The following OSBPL5 variants were observed in gnomAD, a reference collection of about 807,000 sequenced individuals.
OSBPL5 encodes oxysterol binding protein like 5.
In OSBPL5, 71 loss-of-function variants were observed where a neutral mutation model predicts 111.2. That is an observed-to-expected ratio of 0.64 (90% CI 0.53 to 0.78). The LOEUF is 0.78. Among genes scored for constraint, OSBPL5 ranks in the 30% least tolerant of loss-of-function variants. The pLI is 0.00. For missense variants in OSBPL5, 1,210 were observed against 1,189.3 expected, an observed-to-expected ratio of 1.02 and a Z score of -0.26; for synonymous variants, 549 against 513.9, an observed-to-expected ratio of 1.07 and a Z score of -0.93.
Position 3,089,911 on chromosome 11 carries a change from C to T in OSBPL5, c.2436G>A (p.Ala812=), listed in dbSNP as rs371733744. Residue 812 remains alanine, a synonymous_variant, in exon 21 of 22, where the codon GCG becomes GCA. Transcript: ENST00000263650. ...CCTCGTGCAGGGCCTGCAGCCGCCG[C>T]GCCTCCTTCCTGCACCGAGGGCATG... ...ESPCPRCRKE[A]RRLQALHEAI... 52 of 1,565,944 alleles carry T rather than the reference C, an allele frequency of 3.3e-5. No individual in the cohort carries two copies. The African/African-American group carries it at 4.6e-4, about 14-fold the overall frequency.
intron 14 of OSBPL5, among the ~76,000 whole-genome samples, chr11:3,097,423 A>C (rs2134397299): frequency 6.6e-6 from 1 of 152,286 alleles, no homozygotes; most frequent in Admixed American, 6.5e-5. Context: ...ACTCTCCATG[A>C]ATGTGTAGGG....
At chr11:3,128,891 CCA>C in intron 2 of OSBPL5, 120 bp downstream of exon 2, 1 of 957,718 alleles carries the variant, frequency 1.0e-6, no homozygotes, top group Non-Finnish European at 1.4e-6. Context: ...ATCATGAAAC[CCA>C]CACAGTCCCC....
At chr11:3,131,707 C>CT (rs1845793660) in intron 1 of OSBPL5, among the ~76,000 whole-genome samples, 1 of 129,652 alleles carries the variant, frequency 7.7e-6, no homozygotes, top group Non-Finnish European at 1.6e-5. Context: ...TCTATCCATC[C>CT]ATCCATCCAT....
At position 3,100,186 on chromosome 11, in the gene OSBPL5, G is replaced by C. The variant is rs1050177769; in HGVS notation, c.1593C>G (p.Thr531=). Reference sequence around the variant, plus strand: ...TGCAGTGGGCGTAGGGCATGGTAAGGGTGTAATCCTCGGCTCGGTTCAGGA... The same window carrying C: ...TGCAGTGGGCGTAGGGCATGGTAAGCGTGTAATCCTCGGCTCGGTTCAGGA... ...LTFLNRAEDY[T]LTMPYAHCKG... The change falls in exon 14 of 22, where the codon ACC becomes ACG. Residue 531 remains threonine, a synonymous_variant. Transcript: ENST00000263650. 3 of 1,614,172 alleles carry C rather than the reference G, an allele frequency of 1.9e-6. No individual in the cohort carries two copies. In the African/African-American group the frequency reaches 4.0e-5, roughly 22 times the overall value.
rs1463223052 is a variant in OSBPL5 at position 3,126,078 on chromosome 11, T to A, written c.219+395A>T. ...CCCTTGTGCACTGTGGGTGGCCATGTAAGATGGTGCAGCCGCTGGGAAAGG... is the reference window on the plus strand; with the variant it reads ...CCCTTGTGCACTGTGGGTGGCCATGAAAGATGGTGCAGCCGCTGGGAAAGG... On this transcript the variant is annotated intron_variant, in intron 3 of 21. Transcript: ENST00000263650. This position sits in a 1 kb window ranked among gnomAD's most constrained non-coding sequence, Gnocchi z 6.5. 6.6e-6 allele frequency among the ~76,000 whole-genome samples: 1 copy of A among 152,150 alleles called. No homozygotes were observed. The highest frequency in any genetic ancestry group is 1.5e-5 in the Non-Finnish European group (1 of 68,016).
Position 3,162,556 on chromosome 11 carries a change from G to A in OSBPL5, c.-22+2660C>T, listed in dbSNP as rs146296313. 1.3e-5 allele frequency among the ~76,000 whole-genome samples: 2 copies of A among 152,002 alleles called. No individual in the cohort carries two copies. Among genetic ancestry groups the A allele is most frequent in the South Asian group, 2.1e-4 (1 of 4,802 alleles). On this transcript the variant is annotated intron_variant, in intron 1 of 21. Transcript: ENST00000263650. The surrounding 1 kb of genome is among the most constrained non-coding windows in gnomAD (Gnocchi z 8.1). ...ACAACTGTGATGCTAAGAGAACAAC[G>A]CGGTCCTTAGTCCAAGTCCTTTGTA... is the stretch of plus-strand genomic sequence containing the variant.
chr11:3,090,974 C>T (rs1252703517), intron 19 of OSBPL5, among the ~76,000 whole-genome samples: 1 of 152,214 alleles, frequency 6.6e-6, no homozygotes, highest in Non-Finnish European at 1.5e-5. Context: ...ACACGCCTGC[C>T]CTGTGCTCAC....
rs367574888 is a variant in OSBPL5, at chr11:3,129,127, G to A, written c.22C>T (p.Arg8Trp). 8.1e-5 allele frequency: 121 copies of A among 1,487,222 alleles called. No individual in the cohort carries two copies. Among genetic ancestry groups the A allele is most frequent in the Non-Finnish European group, 1.0e-4 (115 of 1,115,026 alleles). The allele number at this position is 1,487,222 out of a possible 1,614,324, so 92.1% of individuals were successfully genotyped here. The change falls in exon 2 of 22, where the codon CGG becomes TGG. Residue 8 changes from arginine to tryptophan, a missense_variant. By Grantham distance (101) the Arg-to-Trp change is moderately radical (BLOSUM62 -3). Transcript: ENST00000263650. ...GGTGGACACAGGGAGAAGCGGCGCCGGAGGAAGGCCTCCTCCTTCATGCTG... is the reference window on the plus strand; with the variant it reads ...GGTGGACACAGGGAGAAGCGGCGCCAGAGGAAGGCCTCCTCCTTCATGCTG... Reference protein sequence around the residue: MKEEAFLRRRFSLCPPSS... With the variant: MKEEAFLWRRFSLCPPSS...
At chr11:3,139,647 C>T (rs1233425733) in intron 1 of OSBPL5, among the ~76,000 whole-genome samples, 1 of 152,122 alleles carries the variant, frequency 6.6e-6, no homozygotes, top group Admixed American at 6.5e-5. Flanking sequence ...CCCAGGGAGG[C>T]CTTGCTGCCT....
At chr11:3,089,216 T>A (rs1034596371) in intron 21 of OSBPL5, among the ~76,000 whole-genome samples, 1 of 152,148 alleles carries the variant, frequency 6.6e-6, no homozygotes, top group African/African-American at 2.4e-5. Context: ...CCTGGCTGCA[T>A]TTCACCCTGG....
intron 1 of OSBPL5, among the ~76,000 whole-genome samples, chr11:3,138,968 G>A (rs74049006): frequency 0.029 from 4,375 of 152,364 alleles, 242 homozygotes; most frequent in African/African-American, 0.1. Context: ...GGACGCGGCT[G>A]CTGTGGGCCA....
chr11:3,112,044 C>CGCATGTGTGTGCATGTGTATGTGTGTGT (rs1857985357), intron 7 of OSBPL5, among the ~76,000 whole-genome samples: 2 of 92,350 alleles, frequency 2.2e-5, no homozygotes, highest in African/African-American at 6.7e-5. Flanking sequence ...TATGTGTGCG[C>CGCATGTGTGTGCATGTGTATGTGTGTGT]GCATGTGTGT....
Position 3,092,869 on chromosome 11 carries a change from C to T in OSBPL5, c.2130G>A (p.Glu710=), listed in dbSNP as rs1857111406. The change falls in exon 18 of 22, where the codon GAG becomes GAA. Residue 710 remains glutamate, a splice_region_variant and synonymous_variant. Coordinates refer to ENST00000263650, the MANE Select transcript of OSBPL5 (RefSeq NM_020896.4). The surrounding 1 kb of genome is among the most constrained non-coding windows in gnomAD (Gnocchi z 5.4). ...PITQEWHYRY[E]DHSPWDPLKD... is the part of the protein sequence containing the mutation. ...CCCAGGGCTTTGTCGGCACTCACTC[C>T]TCGTATCGGTAGTGCCACTCCTGGG... 1 of 1,536,024 alleles carries T rather than the reference C, an allele frequency of 6.5e-7. No homozygotes were observed. Among genetic ancestry groups the T allele is most frequent in the Non-Finnish European group, 8.8e-7 (1 of 1,136,274 alleles).
intron 14 of OSBPL5, among the ~76,000 whole-genome samples, chr11:3,096,534 G>A (rs188449099): frequency 1.7e-4 from 25 of 150,684 alleles, no homozygotes; most frequent in African/African-American, 5.4e-4. Context: ...CAGGAGAATC[G>A]TTTGAACTCA....
rs114722041 is a variant in OSBPL5 at position 3,142,271 on chromosome 11, G to A, written c.-21-13102C>T. On this transcript the variant is annotated intron_variant, in intron 1 of 21. Coordinates refer to ENST00000263650, the MANE Select transcript of OSBPL5 (RefSeq NM_020896.4). The surrounding 1 kb of genome is among the most constrained non-coding windows in gnomAD (Gnocchi z 7.1). ...GAAGCTGACTCGCCCAGGGCCACACGGCAGGTTGGTGCAGGAGGTGCTGGG... is the reference window on the plus strand; with the variant it reads ...GAAGCTGACTCGCCCAGGGCCACACAGCAGGTTGGTGCAGGAGGTGCTGGG... Among the ~76,000 whole-genome samples the A allele has an allele frequency of 0.03, 4,527 of 152,300 alleles. 213 individuals carry two copies. Among genetic ancestry groups the A allele is most frequent in the African/African-American group, 0.1 (4,255 of 41,554 alleles).
Position 3,162,817 on chromosome 11 carries a change from G to T in OSBPL5, c.-22+2399C>A, listed in dbSNP as rs1021140012. 6.6e-6 allele frequency among the ~76,000 whole-genome samples: 1 copy of T among 152,046 alleles called. No individual in the cohort carries two copies. The highest frequency in any genetic ancestry group is 2.4e-5 in the African/African-American group (1 of 41,402). On this transcript the variant is annotated intron_variant, in intron 1 of 21. Transcript: ENST00000263650. This position sits in a 1 kb window ranked among gnomAD's most constrained non-coding sequence, Gnocchi z 8.1. ...GAACAATATTCTTTTCCTTTGTGCC[G>T]GTCACAAGCAGCATGAGGACATCCA...
At chr11:3,147,007 CT>C (rs1846373113) in intron 1 of OSBPL5, among the ~76,000 whole-genome samples, 1 of 152,194 alleles carries the variant, frequency 6.6e-6, no homozygotes, top group African/African-American at 2.4e-5. Flanking sequence ...CAGCCCGCAC[CT>C]TGTTAGCTCT....
chr11:3,163,625 A>G (rs1184825205), intron 1 of OSBPL5, among the ~76,000 whole-genome samples: 7 of 152,202 alleles, frequency 4.6e-5, no homozygotes, highest in African/African-American at 2.4e-5. Flanking sequence ...CCCAGAAAGG[A>G]GCCTCCACTG....
At chr11:3,149,751 G>A (rs766780645) in intron 1 of OSBPL5, among the ~76,000 whole-genome samples, 11 of 152,122 alleles carry the variant, frequency 7.2e-5, no homozygotes, top group Non-Finnish European at 1.6e-4. Flanking sequence ...CGACCCCCCC[G>A]TCACTGACCA....
Sources: gnomAD v4.1 joint callset for allele counts (sites outside exome capture counted in the v4.1 genomes callset) on GRCh38, gnomAD v4.1.1 for gene constraint, Gnocchi (gnomAD v3.1) non-coding constraint, MANE v1.5 for transcripts, NCBI Gene and HGNC (gene_info 2026-07-23, HGNC 2026-07-21) for gene names.